Variants in KALRN observed in about 807,000 individuals in gnomAD.
The protein encoded by KALRN is kalirin.
A neutral mutation model predicts 353.7 loss-of-function variants in KALRN; 70 were observed. The ratio of observed to expected loss-of-function variants is 0.20; its 90% CI spans 0.16 to 0.24. The LOEUF (loss-of-function observed/expected upper bound fraction) is 0.24, where lower values mean the gene tolerates loss of function less well. KALRN is among the 10% of genes least tolerant of loss of function. The probability of loss-of-function intolerance (pLI) is 1.00; values close to 1 mark genes in which losing one functional copy is unlikely to be tolerated. For synonymous variants in KALRN, 1,391 were observed against 1,434.8 expected (o/e 0.97, Z 0.69); for missense variants, 2,791 against 3,756.7 (o/e 0.74, Z 6.72).
chr3:124,564,005 C>CAAA (rs56072904), intron 34 of KALRN, among the ~76,000 whole-genome samples: 1 of 96,442 alleles, frequency 1.0e-5, no homozygotes, highest in African/African-American at 4.0e-5. Flanking sequence ...GACTCTGTCT[C>CAAA]AAAAAAAAAA....
chr3:124,396,347 T>G (rs2090154042), intron 12 of KALRN, among the ~76,000 whole-genome samples: 1 of 152,234 alleles, frequency 6.6e-6, no homozygotes, highest in Non-Finnish European at 1.5e-5. Context: ...TGGAAATTAA[T>G]AATTTCTATT....
intron 24 of KALRN, 71 bp from the exon 25 acceptor site, chr3:124,462,453 C>A: frequency 1.2e-6 from 1 of 850,940 alleles, no homozygotes; most frequent in Non-Finnish European, 2.0e-6. Context: ...AGTTTGAGCA[C>A]CTGTGTATTT....
Position 124,699,858 on chromosome 3 carries a change from C to T in KALRN, c.7832-11C>T. ...TTTTCTCTTTCCCTCTCCTGGGAAA[C>T]TGTACACTAGGTTCTCAGATCTGGC... is the stretch of plus-strand genomic sequence containing the variant. On this transcript the variant is annotated splice_polypyrimidine_tract_variant and intron_variant, in intron 55 of 59. Coordinates refer to ENST00000682506, the MANE Select transcript of KALRN (RefSeq NM_001388419.1). The T allele has an allele frequency of 6.2e-7, 1 of 1,613,892 alleles. No individual in the cohort carries two copies. The highest frequency in any genetic ancestry group is 8.5e-7 in the Non-Finnish European group (1 of 1,179,888).
chr3:124,497,159 G>A (rs1190759530), intron 33 of KALRN, among the ~76,000 whole-genome samples: 4 of 152,170 alleles, frequency 2.6e-5, no homozygotes, highest in Non-Finnish European at 4.4e-5. Flanking sequence ...GAATGCAACC[G>A]CCGGAATTTG....
At chr3:124,066,185 G>C (rs1425436149) in intron 1 of KALRN, among the ~76,000 whole-genome samples, 1 of 152,206 alleles carries the variant, frequency 6.6e-6, no homozygotes, top group Non-Finnish European at 1.5e-5. Flanking sequence ...TCTGTGCTCA[G>C]AACTGAGAGT....
At chr3:124,657,664 T>C (rs2084243872) in intron 40 of KALRN, 70 bp from the exon 41 acceptor site, 2 of 1,383,110 alleles carry the variant, frequency 1.4e-6, no homozygotes, top group Non-Finnish European at 2.1e-6. Flanking sequence ...CTGTAATTCA[T>C]CTTATTATTG....
chr3:124,194,334 G>A (rs903960245), intron 1 of KALRN, among the ~76,000 whole-genome samples: 1 of 152,172 alleles, frequency 6.6e-6, no homozygotes, highest in African/African-American at 2.4e-5. Context: ...GGAGGAGACG[G>A]AAGGAACTCC....
chr3:124,671,259 C>T (rs1373669041), intron 47 of KALRN, among the ~76,000 whole-genome samples: 4 of 152,222 alleles, frequency 2.6e-5, no homozygotes, highest in Non-Finnish European at 5.9e-5. Flanking sequence ...CATGGCACTT[C>T]CCACCTCACA....
chr3:124,434,808 T>C (rs2093406251), intron 17 of KALRN, among the ~76,000 whole-genome samples: 1 of 152,214 alleles, frequency 6.6e-6, no homozygotes, highest in Admixed American at 6.5e-5. Flanking sequence ...ATTTGGGCAG[T>C]ATATTAGTCA....
rs2087551835 is a variant in KALRN at position 124,679,497 on chromosome 3, G to A, written c.7357G>A (p.Asp2453Asn). Residue 2453 changes from aspartate (D) to asparagine (N), a missense_variant, in exon 51 of 60, where the codon GAC becomes AAC. Asp to Asn is a conservative substitution (Grantham distance 23, BLOSUM62 1). Transcript: ENST00000682506. ...CGAGGAATCAGAGTGTGATGATCTT[G>A]ACCCTAATACTAGCATGGAGGTAGA... ...SSEESECDDLDPNTSMEILNP... is the reference protein window; with the variant it reads ...SSEESECDDLNPNTSMEILNP... 1 of 1,613,980 alleles carries A rather than the reference G, an allele frequency of 6.2e-7. No homozygotes were observed. The highest frequency in any genetic ancestry group is 1.7e-5 in the Admixed American group (1 of 60,008).
intron 5 of KALRN, among the ~76,000 whole-genome samples, chr3:124,293,053 G>C (rs2076554384): frequency 6.6e-6 from 1 of 152,186 alleles, no homozygotes; most frequent in African/African-American, 2.4e-5. Context: ...AATTGACTGG[G>C]CGGCTAGTTT....
At chr3:124,237,238 T>C (rs1187592969) in intron 3 of KALRN, among the ~76,000 whole-genome samples, 1 of 152,214 alleles carries the variant, frequency 6.6e-6, no homozygotes, top group African/African-American at 2.4e-5. Context: ...CAGTAGATGA[T>C]ACTGATGAGA....
At chr3:124,141,840 CT>C (rs2066661367) in intron 1 of KALRN, among the ~76,000 whole-genome samples, 1 of 152,118 alleles carries the variant, frequency 6.6e-6, no homozygotes, top group African/African-American at 2.4e-5. Flanking sequence ...CCTTGCACCC[CT>C]TTTTCCTATT....
At chr3:124,118,888 A>G (rs1002514279) in intron 1 of KALRN, among the ~76,000 whole-genome samples, 1 of 152,126 alleles carries the variant, frequency 6.6e-6, no homozygotes, top group African/African-American at 2.4e-5. Context: ...ATGTATCCCC[A>G]TTTTACAAGT....
intron 2 of KALRN, among the ~76,000 whole-genome samples, chr3:124,233,784 C>T (rs970115110): frequency 9.2e-5 from 14 of 152,098 alleles, no homozygotes; most frequent in Non-Finnish European, 2.1e-4. Context: ...TTCATTAGAT[C>T]CCTTTGTGGT....
At chr3:124,550,356 C>T (rs1250010870) in intron 33 of KALRN, among the ~76,000 whole-genome samples, 1 of 152,062 alleles carries the variant, frequency 6.6e-6, no homozygotes, top group African/African-American at 2.4e-5. Flanking sequence ...AGACTGGGCC[C>T]CGATGCTACC....
intron 1 of KALRN, among the ~76,000 whole-genome samples, chr3:124,195,080 C>T (rs1225922021): frequency 1.3e-5 from 2 of 152,110 alleles, no homozygotes; most frequent in African/African-American, 4.8e-5. Flanking sequence ...AATCTGTTTG[C>T]AAAGTTGGCT....
chr3:124,473,229 C>T (rs1561057643), intron 25 of KALRN, among the ~76,000 whole-genome samples: 1 of 152,182 alleles, frequency 6.6e-6, no homozygotes, highest in South Asian at 2.1e-4. Flanking sequence ...AATGCGTGGA[C>T]AATAGAAGCT....
At chr3:124,330,062 C>T in intron 8 of KALRN, 70 bp downstream of exon 8, 4 of 1,507,228 alleles carry the variant, frequency 2.7e-6, no homozygotes, top group South Asian at 1.3e-5. Context: ...AGGGCACTGG[C>T]CTGTGCCCTG....
Sources: allele counts gnomAD v4.1 joint callset (sites outside exome capture counted in the v4.1 genomes callset), GRCh38; gene constraint gnomAD v4.1.1; transcripts MANE v1.5; gene names NCBI Gene and HGNC (gene_info 2026-07-23, HGNC 2026-07-21).